Variants in ITGAD observed in about 807,000 individuals in gnomAD.
ITGAD encodes integrin subunit alpha D, also known as integrin alpha-D.
ITGAD carries 105 observed loss-of-function variants against 139.0 expected under a neutral mutation model. The observed-to-expected ratio is 0.76, with a 90% CI of 0.65 to 0.89. ITGAD has a LOEUF of 0.89. Among genes scored for constraint, ITGAD ranks in the 40% least tolerant of loss-of-function variants. The pLI, the probability that ITGAD is intolerant of heterozygous loss-of-function variation, is 0.00. For synonymous variants in ITGAD, 569 were observed against 598.3 expected, an observed-to-expected ratio of 0.95 and a Z score of 0.71; for missense variants, 1,384 against 1,487.3, an observed-to-expected ratio of 0.93 and a Z score of 1.14.
intron 5 of ITGAD, among the ~76,000 whole-genome samples, chr16:31,401,914 T>A (rs2081414856): frequency 6.6e-6 from 1 of 152,150 alleles, no homozygotes; most frequent in African/African-American, 2.4e-5. Flanking sequence ...ACCTGGGTCC[T>A]GTGTTGTCAT....
At chr16:31,409,955 A>G (rs1597134025) in intron 10 of ITGAD, among the ~76,000 whole-genome samples, 5 of 149,166 alleles carry the variant, frequency 3.4e-5, no homozygotes, top group Admixed American at 3.3e-4. Context: ...TGACTCTTCC[A>G]GGGAGGGGAA....
intron 7 of ITGAD, chr16:31,404,007 G>T (rs1363385527): frequency 3.9e-6 from 1 of 258,356 alleles, no homozygotes; most frequent in Admixed American, 4.9e-5. Context: ...GGGGTGATGG[G>T]CTCTAAGTCT....
At chr16:31,420,124 G>A (rs1486015735) in intron 23 of ITGAD, among the ~76,000 whole-genome samples, 1 of 152,208 alleles carries the variant, frequency 6.6e-6, no homozygotes, top group East Asian at 1.9e-4. Flanking sequence ...GAATTGGGGA[G>A]CTTGTGCCCA....
intron 7 of ITGAD, among the ~76,000 whole-genome samples, chr16:31,407,227 A>G (rs532453582): frequency 1.3e-5 from 2 of 152,220 alleles, no homozygotes; most frequent in Admixed American, 6.5e-5. Context: ...GGTGGTGGGC[A>G]CCCATAATCC....
Position 31,423,411 on chromosome 16 carries a change from G to A in ITGAD, c.2919G>A (p.Leu973=), listed in dbSNP as rs2082045465. 3.7e-6 allele frequency: 6 copies of A among 1,614,046 alleles called. No individual in the cohort carries two copies. Among genetic ancestry groups the A allele is most frequent in the Admixed American group, 3.3e-5 (2 of 60,004 alleles). The change falls in exon 25 of 30, where the codon CTG becomes CTA. Residue 973 remains leucine (L), a synonymous_variant. Coordinates refer to ENST00000389202, the MANE Select transcript of ITGAD (RefSeq NM_005353.3). ...AISINFWVPV[L]LNGVAVWDVV... ...GCATTAACTTCTGGGTTCCTGTCCT[G>A]CTGAACGGGGTGGCTGTGTGGGATG...
chr16:31,407,892 CAGG>C lies in ITGAD; in HGVS notation c.988_990del (p.Glu330del), dbSNP rs761891738. The C allele has an allele frequency of 6.9e-6, 11 of 1,597,066 alleles. No homozygotes were observed. Among genetic ancestry groups the C allele is most frequent in the Non-Finnish European group, 6.9e-6 (8 of 1,166,028 alleles). On this transcript the variant is annotated inframe_deletion, in exon 9 of 30. Transcript: ENST00000389202. ...CCTTGGCAGCATCCAGAAGCAGCTG[CAGG>C]AGAAGATCTATGCAGTTGAGGGTAA...
Position 31,413,189 on chromosome 16 carries a change from G to A in ITGAD, c.1939G>A (p.Glu647Lys). ...CTGGGAAGAGAAGCCCAGTGCCCTGGAAGCTGGGGACGCCACCGTCTGTCT... is the reference window on the plus strand; with the variant it reads ...CTGGGAAGAGAAGCCCAGTGCCCTGAAAGCTGGGGACGCCACCGTCTGTCT... ...RCWEEKPSAL[E>K]AGDATVCLTI... The change falls in exon 16 of 30, where the codon GAA becomes AAA. Residue 647 changes from glutamate to lysine, a missense_variant. Coordinates refer to ENST00000389202, the MANE Select transcript of ITGAD (RefSeq NM_005353.3). 6.2e-7 allele frequency: 1 copy of A among 1,614,128 alleles called. No homozygotes were observed. Among genetic ancestry groups the A allele is most frequent in the Non-Finnish European group, 8.5e-7 (1 of 1,180,018 alleles).
Position 31,423,151 on chromosome 16 carries a change from T to A in ITGAD, c.2818T>A (p.Ser940Thr), listed in dbSNP as rs765220015. 1.2e-5 allele frequency: 20 copies of A among 1,613,962 alleles called. No homozygotes were observed. Among genetic ancestry groups the A allele is most frequent in the African/African-American group, 4.0e-5 (3 of 74,872 alleles). ...ESTKYFNFATSDEKKMKEAEH... is the reference protein window; with the variant it reads ...ESTKYFNFATTDEKKMKEAEH... Reference sequence around the variant, plus strand: ...CACCAAGTACTTCAACTTTGCAACCTCCGATGAGAAGAAAATGAAAGAGGC... The same window carrying A: ...CACCAAGTACTTCAACTTTGCAACCACCGATGAGAAGAAAATGAAAGAGGC... Residue 940 changes from serine to threonine, a missense_variant, in exon 24 of 30, where the codon TCC (serine) becomes ACC (threonine). By Grantham distance (58) the Ser-to-Thr change is moderately conservative. Transcript: ENST00000389202.
At position 31,426,030 on chromosome 16, in the gene ITGAD, C is replaced by T. The variant is rs201870715; in HGVS notation, c.3388C>T (p.Arg1130Cys). The T allele has an allele frequency of 3.7e-5, 59 of 1,612,894 alleles. No individual in the cohort carries two copies. The highest frequency in any genetic ancestry group is 2.5e-4 in the Admixed American group (15 of 59,986). ...ATLYKLGFFK[R>C]HYKEMLEDKP... Reference sequence around the variant, plus strand: ...CCCCTGATAGCTTGGCTTCTTCAAACGCCACTACAAGGAAATGCTGGAGGA... The same window carrying T: ...CCCCTGATAGCTTGGCTTCTTCAAATGCCACTACAAGGAAATGCTGGAGGA... The change falls in exon 30 of 30, where the codon CGC becomes TGC. Residue 1130 changes from arginine to cysteine, a missense_variant. Physicochemically the swap from Arg to Cys is radical, Grantham distance 180. Coordinates refer to ENST00000389202, the MANE Select transcript of ITGAD (RefSeq NM_005353.3).
chr16:31,401,472 C>T (rs2081402199), intron 5 of ITGAD, among the ~76,000 whole-genome samples: 1 of 152,214 alleles, frequency 6.6e-6, no homozygotes. Context: ...ATAAGGACCT[C>T]TGACCGACTG....
At chr16:31,405,640 C>CTTT (rs569550173) in intron 7 of ITGAD, among the ~76,000 whole-genome samples, 13 of 104,004 alleles carry the variant, frequency 1.2e-4, no homozygotes, top group South Asian at 3.0e-4. Context: ...TTTTGTTTTC[C>CTTT]TTTTTTTTTT....
At position 31,402,233 on chromosome 16, in the gene ITGAD, C is replaced by T. The variant is rs1366193387; in HGVS notation, c.546C>T (p.Gly182=). ...FVQAVMGQFE[G]TDTLFALMQY... ...AAGCTGTCATGGGCCAGTTTGAGGG[C>T]ACTGACACCCTGGTGAAGACTGGGC... Residue 182 remains glycine, a synonymous_variant, in exon 6 of 30, where the codon GGC becomes GGT. Coordinates refer to ENST00000389202, the MANE Select transcript of ITGAD (RefSeq NM_005353.3). 1.9e-6 allele frequency: 3 copies of T among 1,587,810 alleles called. No individual in the cohort carries two copies. Among genetic ancestry groups the T allele is most frequent in the Middle Eastern group, 1.7e-4 (1 of 5,908 alleles).
Position 31,423,470 on chromosome 16 carries a change from A to C in ITGAD, c.2967+11A>C. On this transcript the variant is annotated intron_variant, in intron 25 of 29. Coordinates refer to ENST00000389202, the MANE Select transcript of ITGAD (RefSeq NM_005353.3). Reference sequence around the variant, plus strand: ...GAGGCCCCATCTCAGGTACCCGCCTATCTCTCCTCTTTCTTCAGACTGACA... The same window carrying C: ...GAGGCCCCATCTCAGGTACCCGCCTCTCTCTCCTCTTTCTTCAGACTGACA... 1.2e-6 allele frequency: 2 copies of C among 1,610,990 alleles called. No homozygotes were observed. Among genetic ancestry groups the C allele is most frequent in the Non-Finnish European group, 1.7e-6 (2 of 1,177,226 alleles).
chr16:31,418,049 T>A, intron 20 of ITGAD, 26 bp from the exon 21 acceptor site: 3 of 1,595,394 alleles, frequency 1.9e-6, no homozygotes, highest in Non-Finnish European at 1.7e-6. Flanking sequence ...GCGGGTAACT[T>A]CTTAAAATTC....
chr16:31,424,424 C>A, intron 28 of ITGAD, 43 bp from the exon 29 acceptor site: 1 of 1,531,524 alleles, frequency 6.5e-7, no homozygotes. Flanking sequence ...TGGGAGGCAT[C>A]TGGGATGGCA....
At chr16:31,407,327 GC>G (rs2142711570) in intron 7 of ITGAD, among the ~76,000 whole-genome samples, 187 bp from the exon 8 acceptor site, 1 of 152,244 alleles carries the variant, frequency 6.6e-6, no homozygotes, top group African/African-American at 2.4e-5. Flanking sequence ...GCACTCCAGA[GC>G]CTGGGCATCA....
intron 16 of ITGAD, 106 bp downstream of exon 16, chr16:31,413,352 C>T (rs2081789728): frequency 1.7e-6 from 2 of 1,192,942 alleles, no homozygotes; most frequent in South Asian, 2.9e-5. Context: ...CCTCCACATT[C>T]ACTCACCACC....
chr16:31,416,451 G>A (rs2081887937), intron 19 of ITGAD, 54 bp from the exon 20 acceptor site: 2 of 1,585,522 alleles, frequency 1.3e-6, no homozygotes, highest in Non-Finnish European at 1.7e-6. Flanking sequence ...GCCCTTCCCA[G>A]TTCCCACCTA....
At chr16:31,405,021 T>C (rs552142304) in intron 7 of ITGAD, among the ~76,000 whole-genome samples, 6 of 152,262 alleles carry the variant, frequency 3.9e-5, no homozygotes, top group Admixed American at 3.9e-4. Flanking sequence ...CTGCCTCAGT[T>C]TCCCAAGTAG....
Sources: gnomAD v4.1 joint callset for allele counts (sites outside exome capture counted in the v4.1 genomes callset) on GRCh38, gnomAD v4.1.1 for gene constraint, MANE v1.5 for transcripts, NCBI Gene and HGNC (gene_info 2026-07-23, HGNC 2026-07-21) for gene names.